CLYBL: variants seen among roughly 807,000 people sequenced by gnomAD.
CLYBL encodes citramalyl-CoA lyase, also known as citramalyl-CoA lyase, mitochondrial.
A neutral mutation model predicts 38.9 loss-of-function variants in CLYBL; 31 were observed. That is an observed-to-expected ratio of 0.80 (90% CI 0.60 to 1.08). The LOEUF (loss-of-function observed/expected upper bound fraction) is 1.08, where lower values mean the gene tolerates loss of function less well. CLYBL is among the 50% of genes least tolerant of loss of function. The probability of loss-of-function intolerance (pLI) is 0.00; values close to 1 mark genes in which losing one functional copy is unlikely to be tolerated. For missense variants in CLYBL, 434 were observed against 411.6 expected, an observed-to-expected ratio of 1.05 and a Z score of -0.47; for synonymous variants, 171 against 158.6, an observed-to-expected ratio of 1.08 and a Z score of -0.59.
chr13:99,841,964 C>T (rs2051094306), intron 2 of CLYBL, among the ~76,000 whole-genome samples: 1 of 151,774 alleles, frequency 6.6e-6, no homozygotes, highest in Non-Finnish European at 1.5e-5. Flanking sequence ...TACAGGTGCA[C>T]ACCACCACAC....
intron 3 of CLYBL, among the ~76,000 whole-genome samples, chr13:99,862,351 T>A (rs2051624304): frequency 1.3e-5 from 2 of 152,260 alleles, no homozygotes; most frequent in South Asian, 4.2e-4. Flanking sequence ...TGTTTCCAGA[T>A]GATAGATTTT....
Position 99,834,718 on chromosome 13 carries a change from C to T in CLYBL, c.250-24143C>T, listed in dbSNP as rs75314462. On this transcript the variant is annotated intron_variant, in intron 2 of 8. Transcript: ENST00000339105. ...CAGGATGTTCTCGGTCCTCTGCAGC[C>T]TGATGATAAGTCAGTCTAACTCTAT... Among the ~76,000 whole-genome samples the T allele has an allele frequency of 2.3e-3, 346 of 152,332 alleles. 2 individuals carry two copies. Among genetic ancestry groups the T allele is most frequent in the African/African-American group, 7.8e-3 (325 of 41,574 alleles).
chr13:99,608,847 C>CTTTTTTTTTTTT (rs57961216), intron 1 of CLYBL, among the ~76,000 whole-genome samples: 1 of 87,876 alleles, frequency 1.1e-5, no homozygotes, highest in Non-Finnish European at 2.0e-5. Context: ...AGTGATGAGT[C>CTTTTTTTTTTTT]TTTTTTTTTT....
intron 2 of CLYBL, among the ~76,000 whole-genome samples, chr13:99,821,951 G>A (rs573209646): frequency 1.6e-4 from 24 of 152,334 alleles, no homozygotes; most frequent in African/African-American, 5.8e-4. Context: ...GGCTTGGCCA[G>A]TGGAACACAT....
intron 2 of CLYBL, among the ~76,000 whole-genome samples, chr13:99,808,658 A>G (rs1566335629): frequency 6.6e-6 from 1 of 152,250 alleles, no homozygotes; most frequent in Admixed American, 6.5e-5. Flanking sequence ...TGAGGTTTCA[A>G]CTTGTTTAGA....
At chr13:99,725,292 G>A (rs1379456974) in intron 1 of CLYBL, among the ~76,000 whole-genome samples, 2 of 152,132 alleles carry the variant, frequency 1.3e-5, no homozygotes, top group Admixed American at 6.5e-5. Flanking sequence ...ATACCGTGCG[G>A]TTTTTTTAAG....
intron 1 of CLYBL, among the ~76,000 whole-genome samples, chr13:99,648,693 GC>G (rs1444974015): frequency 6.6e-6 from 1 of 152,130 alleles, no homozygotes; most frequent in Non-Finnish European, 1.5e-5. Flanking sequence ...TTCTACACTT[GC>G]TTTGATTCTG....
At chr13:99,834,160 G>T (rs1214965766) in intron 2 of CLYBL, among the ~76,000 whole-genome samples, 2 of 152,098 alleles carry the variant, frequency 1.3e-5, no homozygotes, top group Non-Finnish European at 2.9e-5. Context: ...CCTGGTTCAC[G>T]CAGCTTTAAG....
chr13:99,731,614 A>T (rs1471244002), intron 1 of CLYBL, among the ~76,000 whole-genome samples: 2 of 152,186 alleles, frequency 1.3e-5, no homozygotes, highest in Admixed American at 1.3e-4. Flanking sequence ...GCTAGATGAT[A>T]AAGAAGGCCA....
intron 3 of CLYBL, among the ~76,000 whole-genome samples, chr13:99,860,664 C>G (rs1330584622): frequency 6.6e-6 from 1 of 152,210 alleles, no homozygotes; most frequent in African/African-American, 2.4e-5. Flanking sequence ...TCCGCTATGG[C>G]TTCTGTTCAC....
At chr13:99,787,893 TCTC>T (rs1282026144) in intron 2 of CLYBL, among the ~76,000 whole-genome samples, 1 of 152,224 alleles carries the variant, frequency 6.6e-6, no homozygotes, top group Non-Finnish European at 1.5e-5. Context: ...GCTTTGTAGT[TCTC>T]CTTAAAGAGG....
intron 1 of CLYBL, among the ~76,000 whole-genome samples, chr13:99,614,693 T>C (rs2046681591): frequency 6.6e-6 from 1 of 152,116 alleles, no homozygotes; most frequent in Non-Finnish European, 1.5e-5. Flanking sequence ...TATCCTGTGG[T>C]AGAGTTTTAC....
intron 1 of CLYBL, among the ~76,000 whole-genome samples, chr13:99,697,570 A>G (rs957061412): frequency 5.3e-5 from 8 of 150,632 alleles, no homozygotes; most frequent in Admixed American, 5.3e-4. Context: ...GGGTTTCACC[A>G]TGTTGGCCAG....
chr13:99,863,431 C>A (rs1024610847), intron 4 of CLYBL, among the ~76,000 whole-genome samples: 3 of 152,158 alleles, frequency 2.0e-5, no homozygotes, highest in East Asian at 1.9e-4. Context: ...AAATTTGTCA[C>A]CCTTATGAAT....
At chr13:99,724,570 T>G (rs751587494) in intron 1 of CLYBL, among the ~76,000 whole-genome samples, 6 of 151,730 alleles carry the variant, frequency 4.0e-5, no homozygotes, top group Non-Finnish European at 8.8e-5. Context: ...AAGTTGGTCT[T>G]GGCAAAACTT....
intron 1 of CLYBL, among the ~76,000 whole-genome samples, chr13:99,703,590 G>A (rs572714256): frequency 7.2e-5 from 11 of 152,192 alleles, no homozygotes; most frequent in African/African-American, 1.4e-4. Context: ...AGAGTAGTCC[G>A]ATCTCCTGAC....
At chr13:99,672,314 C>T (rs1243714394) in intron 1 of CLYBL, among the ~76,000 whole-genome samples, 2 of 151,758 alleles carry the variant, frequency 1.3e-5, no homozygotes, top group East Asian at 1.9e-4. Context: ...TCAAGTGATC[C>T]TCCCACTTCA....
Position 99,869,932 on chromosome 13 carries a change from T to C in CLYBL, c.803-1006T>C, listed in dbSNP as rs1186566050. ...TATAATCTCATCATTATTATAACAT[T>C]AAATTATGTTGCATTTTATTAATGA... is the stretch of plus-strand genomic sequence containing the variant. On this transcript the variant is annotated intron_variant, in intron 6 of 8. Coordinates refer to ENST00000339105, the MANE Select transcript of CLYBL (RefSeq NM_206808.5). This position sits in a 1 kb window ranked among gnomAD's most constrained non-coding sequence, Gnocchi z 4.3. Among the ~76,000 whole-genome samples the C allele has an allele frequency of 2.6e-5, 4 of 152,132 alleles. No homozygotes were observed. The highest frequency in any genetic ancestry group is 2.0e-4 in the Admixed American group (3 of 15,280).
chr13:99,831,668 G>A (rs372594371), intron 2 of CLYBL, among the ~76,000 whole-genome samples: 1 of 150,092 alleles, frequency 6.7e-6, no homozygotes, highest in East Asian at 1.9e-4. Context: ...TTTTTTGCCC[G>A]TGTAATAGCT....
Sources: gnomAD v4.1 joint callset for allele counts (sites outside exome capture counted in the v4.1 genomes callset) on GRCh38, gnomAD v4.1.1 for gene constraint, Gnocchi (gnomAD v3.1) non-coding constraint, MANE v1.5 for transcripts, NCBI Gene and HGNC (gene_info 2026-07-23, HGNC 2026-07-21) for gene names.